The following HSPA14 variants were observed in gnomAD, a reference collection of about 807,000 sequenced individuals.
The protein encoded by HSPA14 is heat shock 70 kDa protein 14.
In HSPA14, 37 loss-of-function variants were observed where a neutral mutation model predicts 65.5. The ratio of observed to expected loss-of-function variants is 0.56; its 90% CI spans 0.43 to 0.74. The LOEUF is 0.74. Ranked by LOEUF, HSPA14 falls within the 30% of genes least tolerant of loss-of-function variation. The pLI, the probability that HSPA14 is intolerant of heterozygous loss-of-function variation, is 0.00. For missense variants in HSPA14, 564 were observed against 607.6 expected, an observed-to-expected ratio of 0.93 and a Z score of 0.75; for synonymous variants, 203 against 214.2, an observed-to-expected ratio of 0.95 and a Z score of 0.46.
chr10:14,867,555 A>C (rs1832818092), intron 11 of HSPA14, among the ~76,000 whole-genome samples, 181 bp from the exon 12 acceptor site: 1 of 152,192 alleles, frequency 6.6e-6, no homozygotes, highest in Non-Finnish European at 1.5e-5. Flanking sequence ...GCTAATATAG[A>C]GAGAGGTATG....
rs1229032792 is a variant in HSPA14 at position 14,870,652 on chromosome 10, T to G, written c.1436T>G (p.Val479Gly). Residue 479 changes from valine (V) to glycine (G), a missense_variant, in exon 13 of 14, where the codon GTT becomes GGT. Coordinates refer to ENST00000378372, the MANE Select transcript of HSPA14 (RefSeq NM_016299.4). Reference sequence around the variant, plus strand: ...AATGGATTACGTGATATATTAGCTGTTCTTACTATGAAAAGGTAAAAAATT... The same window carrying G: ...AATGGATTACGTGATATATTAGCTGGTCTTACTATGAAAAGGTAAAAAATT... ...KENGLRDILAVLTMKRDGSLH... is the reference protein window; with the variant it reads ...KENGLRDILAGLTMKRDGSLH... 6.3e-7 allele frequency: 1 copy of G among 1,575,280 alleles called. No individual in the cohort carries two copies. Among genetic ancestry groups the G allele is most frequent in the Non-Finnish European group, 8.7e-7 (1 of 1,154,412 alleles).
chr10:14,850,735 T>C (rs959237250), intron 6 of HSPA14: 1 of 152,342 alleles, frequency 6.6e-6, no homozygotes, highest in Non-Finnish European at 1.5e-5. Context: ...TGATTACTGT[T>C]TAAGCCACAC....
Position 14,852,259 on chromosome 10 carries a change from A to AT in HSPA14, c.573-107dup, listed in dbSNP as rs1834113773. 3.5e-6 allele frequency: 3 copies of AT among 863,764 alleles called. No individual in the cohort carries two copies. The South Asian group carries it at 5.0e-5, about 14-fold the overall frequency. 53.5% of individuals were successfully genotyped at this position (863,764 alleles called of 1,614,324 possible). ...TAGACAACTTAGTTATTCACCTGAG[A>AT]TTTTCTATTTCCTCATTTGTAAATT... On this transcript the variant is annotated intron_variant, in intron 7 of 13. Transcript: ENST00000378372.
chr10:14,854,327 G>A (rs890138493), intron 9 of HSPA14, 47 bp downstream of exon 9: 2 of 1,433,384 alleles, frequency 1.4e-6, no homozygotes, highest in Non-Finnish European at 1.9e-6. Flanking sequence ...CCAAGAACAT[G>A]TTTGTTTAGG....
In HSPA14 at chr10:14,838,307, T is replaced by A; in HGVS notation, c.-96T>A. ...CGGACGCAGGGGGCTGGCGGGAACG[T>A]GAAGCTCCGCGGTGCCTGATGGGGC... is the stretch of plus-strand genomic sequence containing the variant. On this transcript the variant is annotated 5_prime_UTR_variant, in exon 1 of 14. Coordinates refer to ENST00000378372, the MANE Select transcript of HSPA14 (RefSeq NM_016299.4). 1 of 1,289,214 alleles carries A rather than the reference T, an allele frequency of 7.8e-7. No homozygotes were observed. The allele number at this position is 1,289,214 out of a possible 1,614,324, so 79.9% of individuals were successfully genotyped here.
In HSPA14 at chr10:14,842,997, T is replaced by C. The variant is rs981684257; in HGVS notation, c.221+2840T>C. 8.5e-5 allele frequency among the ~76,000 whole-genome samples: 13 copies of C among 152,190 alleles called. No individual in the cohort carries two copies. The highest frequency in any genetic ancestry group is 1.6e-4 in the Non-Finnish European group (11 of 68,034). Reference sequence around the variant, plus strand: ...CCTTTTCAAAAACCTAATAGTAAGCTAAAGGGTTCCAGGTTTTCAAAAGCT... The same window carrying C: ...CCTTTTCAAAAACCTAATAGTAAGCCAAAGGGTTCCAGGTTTTCAAAAGCT... On this transcript the variant is annotated intron_variant, in intron 3 of 13. Coordinates refer to ENST00000378372, the MANE Select transcript of HSPA14 (RefSeq NM_016299.4). This position sits in a 1 kb window ranked among gnomAD's most constrained non-coding sequence, Gnocchi z 5.2.
At chr10:14,863,852 T>C (rs989112896) in intron 10 of HSPA14, among the ~76,000 whole-genome samples, 1 of 152,130 alleles carries the variant, frequency 6.6e-6, no homozygotes, top group Non-Finnish European at 1.5e-5. Context: ...TTAAGGTTAA[T>C]TGGAGTTACA....
intron 11 of HSPA14, 91 bp downstream of exon 11, chr10:14,867,386 A>G: frequency 1.2e-6 from 1 of 858,776 alleles, no homozygotes; most frequent in Non-Finnish European, 1.8e-6. Context: ...AAGTTTTTAT[A>G]CATACCATGA....
intron 12 of HSPA14, 141 bp downstream of exon 12, chr10:14,868,050 T>C (rs935884227): frequency 1.5e-6 from 1 of 669,852 alleles, no homozygotes; most frequent in African/African-American, 1.8e-5. Flanking sequence ...AAGGCTCATT[T>C]CTGAAAATGA....
intron 10 of HSPA14, 36 bp downstream of exon 10, chr10:14,855,979 G>A (rs199504759): frequency 3.8e-5 from 45 of 1,176,098 alleles, no homozygotes; most frequent in Middle Eastern, 1.9e-4. Context: ...TATTTTAGGT[G>A]TAGTTTCAGA....
chr10:14,842,813 C>T lies in HSPA14; in HGVS notation c.221+2656C>T. 1 of 1,536,002 alleles carries T rather than the reference C, an allele frequency of 6.5e-7. No homozygotes were observed. Among genetic ancestry groups the T allele is most frequent in the Non-Finnish European group, 8.7e-7 (1 of 1,146,766 alleles). On this transcript the variant is annotated intron_variant, in intron 3 of 13. Coordinates refer to ENST00000378372, the MANE Select transcript of HSPA14 (RefSeq NM_016299.4). The surrounding 1 kb of genome is among the most constrained non-coding windows in gnomAD (Gnocchi z 5.2). ...TGACCGGATACGAGAAACCAGTGAC[C>T]TTGAGGACTCCTGGGATGAATCCTC... is the stretch of plus-strand genomic sequence containing the variant.
chr10:14,840,053 T>C (rs1833952714), intron 2 of HSPA14, 22 bp from the exon 3 acceptor site: 1 of 1,210,846 alleles, frequency 8.3e-7, no homozygotes. Context: ...TATATATATA[T>C]ATATATTATT....
intron 12 of HSPA14, among the ~76,000 whole-genome samples, chr10:14,868,340 G>C (rs1033822083): frequency 6.6e-6 from 1 of 152,172 alleles, no homozygotes; most frequent in Admixed American, 6.5e-5. Context: ...CCCATGACAT[G>C]CTCTTCCCAT....
intron 10 of HSPA14, 60 bp downstream of exon 10, chr10:14,856,003 A>C (rs1832690217): frequency 1.1e-6 from 1 of 912,226 alleles, no homozygotes; most frequent in African/African-American, 1.7e-5. Flanking sequence ...GGAATTTAGG[A>C]AATAGCTCTG....
chr10:14,851,078 T>C, intron 6 of HSPA14, 141 bp from the exon 7 acceptor site: 1 of 591,854 alleles, frequency 1.7e-6, no homozygotes, highest in East Asian at 2.8e-5. Context: ...TTCTATATTC[T>C]TGCTTCTAAA....
intron 3 of HSPA14, chr10:14,846,171 A>G (rs1834050083): frequency 1.0e-6 from 1 of 984,422 alleles, no homozygotes; most frequent in African/African-American, 1.7e-5. Flanking sequence ...GGATACAGCT[A>G]TATTCATTCT....
intron 3 of HSPA14, among the ~76,000 whole-genome samples, chr10:14,848,295 T>C (rs951987095): frequency 6.6e-6 from 1 of 152,114 alleles, no homozygotes; most frequent in Non-Finnish European, 1.5e-5. Flanking sequence ...TGTGAAACTA[T>C]GATACAAAAT....
chr10:14,865,084 AT>A (rs899726617), intron 10 of HSPA14, among the ~76,000 whole-genome samples: 71 of 152,052 alleles, frequency 4.7e-4, no homozygotes, highest in African/African-American at 1.7e-3. Context: ...GATGATGAGC[AT>A]TTTTTCATGT....
chr10:14,844,444 G>A (rs1834018680), intron 3 of HSPA14: 1 of 991,166 alleles, frequency 1.0e-6, no homozygotes, highest in African/African-American at 1.7e-5. Context: ...GCTTCATGGA[G>A]TTTGAAATCT....
Sources: allele counts gnomAD v4.1 joint callset (sites outside exome capture counted in the v4.1 genomes callset), GRCh38; gene constraint gnomAD v4.1.1; non-coding constraint Gnocchi (gnomAD v3.1); transcripts MANE v1.5; gene names NCBI Gene and HGNC (gene_info 2026-07-23, HGNC 2026-07-21).